PLXNA2: variants seen among roughly 807,000 people sequenced by gnomAD.
The protein encoded by PLXNA2 is plexin-A2.
Under a neutral mutation model 193.5 loss-of-function variants are expected in PLXNA2, and 91 were observed. The ratio of observed to expected loss-of-function variants is 0.47; its 90% CI spans 0.40 to 0.56. The LOEUF (loss-of-function observed/expected upper bound fraction) is 0.56. Among genes scored for constraint, PLXNA2 ranks in the 20% least tolerant of loss-of-function variants. The pLI is 0.00. For synonymous variants in PLXNA2, 997 were observed against 1,027.3 expected, an observed-to-expected ratio of 0.97 and a Z score of 0.56; for missense variants, 1,995 against 2,503.2, an observed-to-expected ratio of 0.80 and a Z score of 4.33.
At chr1:208,045,270 C>T (rs1665022827) in intron 18 of PLXNA2, 60 bp from the exon 19 acceptor site, 3 of 1,551,862 alleles carry the variant, frequency 1.9e-6, no homozygotes, top group Middle Eastern at 3.4e-4. Flanking sequence ...AGTTAATTGC[C>T]TACTTAAAAA....
At chr1:208,184,591 T>G (rs1669941325) in intron 3 of PLXNA2, among the ~76,000 whole-genome samples, 1 of 152,032 alleles carries the variant, frequency 6.6e-6, no homozygotes, top group Non-Finnish European at 1.5e-5. Flanking sequence ...TATGCTTCAG[T>G]CAATCTTGAA....
Position 208,038,930 on chromosome 1 carries a change from C to T in PLXNA2, c.4555G>A (p.Val1519Met), listed in dbSNP as rs761776648. The change falls in exon 25 of 32, where the codon GTG (valine) becomes ATG (methionine). Residue 1519 changes from valine to methionine, a missense_variant. Coordinates refer to ENST00000367033, the MANE Select transcript of PLXNA2 (RefSeq NM_025179.4). This position sits in a 1 kb window ranked among gnomAD's most constrained non-coding sequence, Gnocchi z 4.1. The part of the protein sequence containing the change: ...NENSPEIPVK[V>M]LNCDTITQVK... ...TGTGTGATGGTGTCACAGTTTAACA[C>T]CTTCACTGGGATCTCTGGACTGTTC... The T allele has an allele frequency of 5.0e-6, 8 of 1,613,974 alleles. No homozygotes were observed. In the Admixed American group the frequency reaches 6.7e-5, roughly 13 times the overall value.
chr1:208,231,178 G>C (rs1671679932), intron 1 of PLXNA2, among the ~76,000 whole-genome samples: 1 of 152,134 alleles, frequency 6.6e-6, no homozygotes, highest in Non-Finnish European at 1.5e-5. Context: ...TTGAGACAGG[G>C]GGAAGAATGT....
chr1:208,102,739 C>G (rs1667135805), intron 5 of PLXNA2, among the ~76,000 whole-genome samples: 1 of 152,240 alleles, frequency 6.6e-6, no homozygotes, highest in African/African-American at 2.4e-5. Flanking sequence ...CAGCAGCTAG[C>G]TGGAGTCTAA....
intron 1 of PLXNA2, chr1:208,230,287 A>C (rs1244901661): frequency 1.3e-5 from 2 of 152,224 alleles, no homozygotes; most frequent in African/African-American, 2.4e-5. Flanking sequence ...CCCCAGACCC[A>C]GTCCTCTCGG....
intron 2 of PLXNA2, among the ~76,000 whole-genome samples, chr1:208,211,765 C>T (rs892209286): frequency 5.9e-5 from 9 of 151,686 alleles, no homozygotes; most frequent in African/African-American, 2.2e-4. Flanking sequence ...CTGCTACTAA[C>T]TGGTTGTGAA....
intron 28 of PLXNA2, among the ~76,000 whole-genome samples, chr1:208,033,097 T>G (rs1401335100): frequency 6.6e-6 from 1 of 151,386 alleles, no homozygotes; most frequent in Non-Finnish European, 1.5e-5. Context: ...GGTCTTGATA[T>G]GTTGCCCAGG....
intron 3 of PLXNA2, among the ~76,000 whole-genome samples, chr1:208,200,123 G>T (rs1670493333): frequency 1.3e-5 from 2 of 152,166 alleles, no homozygotes; most frequent in Non-Finnish European, 2.9e-5. Context: ...CTTTGCCATA[G>T]AAACCATAAC....
At chr1:208,146,936 T>C (rs911878449) in intron 3 of PLXNA2, among the ~76,000 whole-genome samples, 1 of 152,176 alleles carries the variant, frequency 6.6e-6, no homozygotes, top group African/African-American at 2.4e-5. Flanking sequence ...GCTATTTTGC[T>C]TGGACAAGGC....
rs749922415 is a variant in PLXNA2, at chr1:208,033,336, G to A, written c.5038C>T (p.Arg1680Trp). ...GGAGTTACCTTGGTGGCCAGTAGCC[G>A]GGTCAGGTAGATCTCGGACACCATC... ...SKMVSEIYLT[R>W]LLATKGTLQK... is the part of the protein sequence containing the mutation. Residue 1680 changes from arginine to tryptophan, a missense_variant, in exon 28 of 32, where the codon CGG becomes TGG. Physicochemically the swap from Arg to Trp is moderately radical, Grantham distance 101 (BLOSUM62 -3). Coordinates refer to ENST00000367033, the MANE Select transcript of PLXNA2 (RefSeq NM_025179.4). 2.5e-6 allele frequency: 4 copies of A among 1,613,200 alleles called. No homozygotes were observed. The highest frequency in any genetic ancestry group is 1.1e-5 in the South Asian group (1 of 90,984).
At chr1:208,154,196 G>A (rs1181004670) in intron 3 of PLXNA2, among the ~76,000 whole-genome samples, 1 of 152,202 alleles carries the variant, frequency 6.6e-6, no homozygotes. Context: ...ACGCCCCACA[G>A]CTGCTGGGCA....
At position 208,042,370 on chromosome 1, in the gene PLXNA2, G is replaced by A; in HGVS notation, c.4018-4C>T. 2 of 1,612,054 alleles carry A rather than the reference G, an allele frequency of 1.2e-6. No homozygotes were observed. Reference sequence around the variant, plus strand: ...GCTGCTGCCCGTTTCCTTGTACCTGGGGTGGGGTGTGGTGGAGGCGACGCC... The same window carrying A: ...GCTGCTGCCCGTTTCCTTGTACCTGAGGTGGGGTGTGGTGGAGGCGACGCC... On this transcript the variant is annotated splice_polypyrimidine_tract_variant and splice_region_variant and intron_variant, in intron 21 of 31. Coordinates refer to ENST00000367033, the MANE Select transcript of PLXNA2 (RefSeq NM_025179.4).
intron 12 of PLXNA2, among the ~76,000 whole-genome samples, chr1:208,077,144 GTCCTGT>G (rs995444485): frequency 6.6e-6 from 1 of 152,024 alleles, no homozygotes; most frequent in Non-Finnish European, 1.5e-5. Context: ...CCTCCCCCAT[GTCCTGT>G]TCAGAGTGAC....
intron 1 of PLXNA2, among the ~76,000 whole-genome samples, chr1:208,235,208 G>C (rs971257416): frequency 6.6e-6 from 1 of 152,324 alleles, no homozygotes; most frequent in African/African-American, 2.4e-5. Context: ...TCTCCTTGCA[G>C]GGCCACTATT....
chr1:208,087,400 T>TG (rs1178709422), intron 9 of PLXNA2, among the ~76,000 whole-genome samples: 3 of 146,718 alleles, frequency 2.0e-5, no homozygotes, highest in Admixed American at 6.8e-5. Flanking sequence ...TTACATGAGT[T>TG]TTTTTTTTTT....
At chr1:208,180,946 G>C (rs1393141789) in intron 3 of PLXNA2, among the ~76,000 whole-genome samples, 2 of 152,218 alleles carry the variant, frequency 1.3e-5, no homozygotes, top group Non-Finnish European at 2.9e-5. Flanking sequence ...AAGTTTGAGA[G>C]GGGATGGCGG....
At chr1:208,091,106 T>C (rs1666691354) in intron 9 of PLXNA2, among the ~76,000 whole-genome samples, 1 of 152,160 alleles carries the variant, frequency 6.6e-6, no homozygotes, top group Non-Finnish European at 1.5e-5. Flanking sequence ...TAGAGGAAAA[T>C]GCTTTTCTGA....
At chr1:208,223,904 G>C (rs151030847) in intron 1 of PLXNA2, among the ~76,000 whole-genome samples, 32 of 152,312 alleles carry the variant, frequency 2.1e-4, no homozygotes, top group African/African-American at 6.5e-4. Context: ...TTACCTAGAG[G>C]CAGGGGATTG....
At chr1:208,209,582 C>T (rs1032344386) in intron 3 of PLXNA2, among the ~76,000 whole-genome samples, 17 of 152,194 alleles carry the variant, frequency 1.1e-4, no homozygotes, top group Admixed American at 4.6e-4. Context: ...CTGTTGGCTT[C>T]AGCCTGCTGC....
Sources: gnomAD v4.1 joint callset for allele counts (sites outside exome capture counted in the v4.1 genomes callset) on GRCh38, gnomAD v4.1.1 for gene constraint, Gnocchi (gnomAD v3.1) non-coding constraint, MANE v1.5 for transcripts, NCBI Gene and HGNC (gene_info 2026-07-23, HGNC 2026-07-21) for gene names.